VWC2: variants seen among roughly 807,000 people sequenced by gnomAD.
The protein encoded by VWC2 is brorin.
Under a neutral mutation model 29.8 loss-of-function variants are expected in VWC2, and 14 were observed. That is an observed-to-expected ratio of 0.47 (90% CI 0.31 to 0.74). VWC2 has a LOEUF of 0.74. Among genes scored for constraint, VWC2 ranks in the 30% least tolerant of loss-of-function variants. VWC2 has a pLI of 0.05. For missense variants in VWC2, 457 were observed against 459.8 expected (o/e 0.99, Z 0.05); for synonymous variants, 213 against 199.0 (o/e 1.07, Z -0.59).
At chr7:49,824,569 G>T (rs893977922) in intron 3 of VWC2, among the ~76,000 whole-genome samples, 1 of 152,042 alleles carries the variant, frequency 6.6e-6, no homozygotes, top group Non-Finnish European at 1.5e-5. Flanking sequence ...TTTAAATTTA[G>T]CTTGTCAAGT....
chr7:49,870,986 T>A (rs1791125113), intron 3 of VWC2, among the ~76,000 whole-genome samples: 2 of 152,082 alleles, frequency 1.3e-5, no homozygotes, highest in African/African-American at 4.8e-5. Flanking sequence ...GAGTTGATAA[T>A]CAAAATGGTA....
At chr7:49,828,149 A>G (rs976534643) in intron 3 of VWC2, among the ~76,000 whole-genome samples, 2 of 151,744 alleles carry the variant, frequency 1.3e-5, no homozygotes, top group African/African-American at 4.8e-5. Context: ...GGCTTTTTTC[A>G]CTCAGCATAA....
At chr7:49,870,121 C>T (rs777789292) in intron 3 of VWC2, among the ~76,000 whole-genome samples, 5 of 152,200 alleles carry the variant, frequency 3.3e-5, no homozygotes, top group Admixed American at 6.5e-5. Flanking sequence ...AACATTTTCG[C>T]TGGGTGCGGT....
intron 3 of VWC2, among the ~76,000 whole-genome samples, chr7:49,910,307 T>C (rs1365461591): frequency 6.6e-6 from 1 of 152,220 alleles, no homozygotes; most frequent in Non-Finnish European, 1.5e-5. Context: ...TTCTGGAGTT[T>C]GCTGGATTAA....
Position 49,775,765 on chromosome 7 carries a change from G to A in VWC2, c.330G>A (p.Gln110=). 1 of 1,517,114 alleles carries A rather than the reference G, an allele frequency of 6.6e-7. No individual in the cohort carries two copies. 94.0% of individuals were successfully genotyped at this position (1,517,114 alleles called of 1,614,324 possible). A position where few individuals can be genotyped will look rare whatever the true frequency, so the allele number is the denominator to read the frequency against. The change falls in exon 2 of 4, where the codon CAG becomes CAA. Residue 110 remains glutamine (Q), a synonymous_variant. Coordinates refer to ENST00000340652, the MANE Select transcript of VWC2 (RefSeq NM_198570.5). ...QGGGAKAGDL[Q]VRPRGDTPQA... ...GGGGCGCCAAGGCCGGGGATCTGCA[G>A]GTCCGGCCCCGCGGGGACACCCCGC...
In VWC2 at chr7:49,904,492, G is replaced by C. The variant is rs1469105637; in HGVS notation, c.827-7542G>C. Among the ~76,000 whole-genome samples the C allele has an allele frequency of 1.1e-4, 17 of 152,134 alleles. No homozygotes were observed. The East Asian group carries it at 3.3e-3, about 29-fold the overall frequency. ...TAGATACACATGTTTAGAGGGACTTGGTTGAAACAATCTCACAACTTGATT... is the reference window on the plus strand; with the variant it reads ...TAGATACACATGTTTAGAGGGACTTCGTTGAAACAATCTCACAACTTGATT... On this transcript the variant is annotated intron_variant, in intron 3 of 3. Transcript: ENST00000340652.
intron 3 of VWC2, among the ~76,000 whole-genome samples, chr7:49,859,741 C>G (rs1437421686): frequency 6.6e-6 from 1 of 152,178 alleles, no homozygotes; most frequent in Non-Finnish European, 1.5e-5. Flanking sequence ...TTTTCTCCAT[C>G]TATTTCTCCC....
intron 3 of VWC2, among the ~76,000 whole-genome samples, chr7:49,817,831 A>G (rs1789181414): frequency 1.3e-5 from 2 of 152,264 alleles, no homozygotes; most frequent in Non-Finnish European, 2.9e-5. Context: ...CACATCAGCC[A>G]TCATGGAGTA....
At chr7:49,854,079 G>A (rs1266612252) in intron 3 of VWC2, among the ~76,000 whole-genome samples, 1 of 152,016 alleles carries the variant, frequency 6.6e-6, no homozygotes, top group Non-Finnish European at 1.5e-5. Context: ...ATTCCATGGT[G>A]TATATGTGCC....
chr7:49,876,286 T>C (rs1791412094), intron 3 of VWC2, among the ~76,000 whole-genome samples: 1 of 152,146 alleles, frequency 6.6e-6, no homozygotes, highest in Admixed American at 6.6e-5. Flanking sequence ...TAGGGAGAAG[T>C]TGTAGTTAGT....
chr7:49,877,897 G>A (rs1190130498), intron 3 of VWC2, among the ~76,000 whole-genome samples: 1 of 151,974 alleles, frequency 6.6e-6, no homozygotes, highest in Non-Finnish European at 1.5e-5. Context: ...CCTTGCATCT[G>A]GGCAAAATGT....
chr7:49,867,843 TTA>T (rs765456518), intron 3 of VWC2, among the ~76,000 whole-genome samples: 1 of 141,392 alleles, frequency 7.1e-6, no homozygotes. Flanking sequence ...TTATTTTATT[TTA>T]TTTTTTGAGG....
At chr7:49,841,361 C>T (rs935797065) in intron 3 of VWC2, among the ~76,000 whole-genome samples, 1 of 149,864 alleles carries the variant, frequency 6.7e-6, no homozygotes, top group Non-Finnish European at 1.5e-5. Context: ...GTAAACAGAA[C>T]AGTCAGCTCA....
intron 3 of VWC2, among the ~76,000 whole-genome samples, chr7:49,866,557 C>G (rs554920506): frequency 2.6e-5 from 4 of 152,058 alleles, no homozygotes; most frequent in African/African-American, 4.8e-5. Flanking sequence ...CTTTCGAGTT[C>G]GGGCTTGCCC....
At chr7:49,861,156 C>CA (rs1414670758) in intron 3 of VWC2, among the ~76,000 whole-genome samples, 1 of 152,178 alleles carries the variant, frequency 6.6e-6, no homozygotes, top group African/African-American at 2.4e-5. Flanking sequence ...ACATCCTCAC[C>CA]AACAGTTGTT....
At chr7:49,847,821 G>T (rs910874043) in intron 3 of VWC2, among the ~76,000 whole-genome samples, 3 of 152,108 alleles carry the variant, frequency 2.0e-5, no homozygotes, top group Non-Finnish European at 4.4e-5. Context: ...GTGGACAGTG[G>T]CTCTCAGTGT....
At chr7:49,836,599 A>G (rs1789665942) in intron 3 of VWC2, among the ~76,000 whole-genome samples, 1 of 151,718 alleles carries the variant, frequency 6.6e-6, no homozygotes, top group African/African-American at 2.4e-5. Context: ...AGATCTCCCC[A>G]CTGCACTCCA....
At chr7:49,782,049 C>T (rs1788189198) in intron 2 of VWC2, among the ~76,000 whole-genome samples, 1 of 152,174 alleles carries the variant, frequency 6.6e-6, no homozygotes, top group Non-Finnish European at 1.5e-5. Context: ...CTATTTGGCT[C>T]ATGGCATATA....
At chr7:49,901,479 A>T (rs1343651626) in intron 3 of VWC2, among the ~76,000 whole-genome samples, 1 of 152,002 alleles carries the variant, frequency 6.6e-6, no homozygotes, top group East Asian at 1.9e-4. Context: ...AAAAAGAAAT[A>T]CTTAGGTATA....
Sources: allele counts gnomAD v4.1 joint callset (sites outside exome capture counted in the v4.1 genomes callset), GRCh38; gene constraint gnomAD v4.1.1; transcripts MANE v1.5; gene names NCBI Gene and HGNC (gene_info 2026-07-23, HGNC 2026-07-21).